CPLX1: variants seen among roughly 807,000 people sequenced by gnomAD.
CPLX1 encodes the protein complexin-1.
Under a neutral mutation model 15.6 loss-of-function variants are expected in CPLX1, and 6 were observed. The observed-to-expected ratio is 0.39, with a 90% CI of 0.21 to 0.76. CPLX1 has a LOEUF of 0.76. Ranked by LOEUF, CPLX1 falls within the 30% of genes least tolerant of loss-of-function variation. The pLI is 0.43. For missense variants in CPLX1, 242 were observed against 188.6 expected (o/e 1.28, Z -1.66); for synonymous variants, 91 against 75.2 (o/e 1.21, Z -1.08).
At chr4:811,276 AGTGCTACAGGTG>A in intron 2 of CPLX1, among the ~76,000 whole-genome samples, 1 of 152,274 alleles carries the variant, frequency 6.6e-6, no homozygotes, top group South Asian at 2.1e-4. Flanking sequence ...CCAATCAGCT[AGTGCTACAGGTG>A]CATACCACTG....
At chr4:803,925 C>G (rs1457463312) in intron 2 of CPLX1, among the ~76,000 whole-genome samples, 1 of 152,206 alleles carries the variant, frequency 6.6e-6, no homozygotes, top group African/African-American at 2.4e-5. Flanking sequence ...CCCACCTTGG[C>G]ATCCCAAAGT....
intron 2 of CPLX1, among the ~76,000 whole-genome samples, chr4:811,018 G>A (rs1477556032): frequency 2.6e-5 from 4 of 150,978 alleles, no homozygotes; most frequent in Non-Finnish European, 4.4e-5. Context: ...TTTTTTATAA[G>A]AGGTGGGACC....
intron 2 of CPLX1, among the ~76,000 whole-genome samples, chr4:810,109 G>A (rs958349318): frequency 1.3e-5 from 2 of 150,708 alleles, no homozygotes; most frequent in Admixed American, 6.6e-5. Flanking sequence ...GAGTGCAGTG[G>A]CATGATCTCA....
At chr4:788,375 G>A in intron 3 of CPLX1, 1 of 985,200 alleles carries the variant, frequency 1.0e-6, no homozygotes, top group South Asian at 4.7e-5. Flanking sequence ...GAGATGGAAA[G>A]GAGGGCGCCA....
In CPLX1 at chr4:812,749, C is replaced by CGTGTCCTAACGCTGG. The variant is rs1264001319; in HGVS notation, c.31+11728_31+11742dup. On this transcript the variant is annotated intron_variant, in intron 2 of 3. Transcript: ENST00000304062. ...CCTAATGCTGGGCATCCTAACGCTG[C>CGTGTCCTAACGCTGG]GTGTCCTAACGCTGGGTGTCCTAAC... Among the ~76,000 whole-genome samples the CGTGTCCTAACGCTGG allele has an allele frequency of 1.5e-3, 231 of 152,038 alleles. 3 individuals carry two copies. The highest frequency in any genetic ancestry group is 5.3e-4 in the Non-Finnish European group (36 of 67,964).
chr4:786,843 A>G, intron 3 of CPLX1, 145 bp from the exon 4 acceptor site: 1 of 1,376,066 alleles, frequency 7.3e-7, no homozygotes, highest in South Asian at 1.7e-5. Flanking sequence ...CCCCAGAAGG[A>G]GAAGAGACCC....
At chr4:800,067 T>C (rs1430407024) in intron 2 of CPLX1, among the ~76,000 whole-genome samples, 1 of 151,790 alleles carries the variant, frequency 6.6e-6, no homozygotes, top group Admixed American at 6.6e-5. Context: ...CAACGTGGGG[T>C]TTCTGAGGCT....
chr4:792,275 C>T (rs990962311), intron 3 of CPLX1, among the ~76,000 whole-genome samples, 158 bp downstream of exon 3: 1 of 152,176 alleles, frequency 6.6e-6, no homozygotes, highest in African/African-American at 2.4e-5. Flanking sequence ...CCGGAGCCCC[C>T]ACCCCTCACC....
intron 2 of CPLX1, among the ~76,000 whole-genome samples, chr4:795,085 G>T (rs1170716094): frequency 6.6e-6 from 1 of 152,222 alleles, no homozygotes; most frequent in Non-Finnish European, 1.5e-5. Flanking sequence ...GGCTCAGAGG[G>T]ACCCGCCGCG....
At chr4:805,674 C>T (rs1204038301) in intron 2 of CPLX1, among the ~76,000 whole-genome samples, 1 of 152,154 alleles carries the variant, frequency 6.6e-6, no homozygotes, top group African/African-American at 2.4e-5. Flanking sequence ...CAGCATTAAC[C>T]ACAATAACCA....
intron 2 of CPLX1, among the ~76,000 whole-genome samples, chr4:814,931 C>G (rs950597129): frequency 6.6e-6 from 1 of 152,242 alleles, no homozygotes; most frequent in African/African-American, 2.4e-5. Flanking sequence ...CCCATTAGGG[C>G]AAGACTGCCA....
At chr4:810,364 C>A (rs1746645579) in intron 2 of CPLX1, among the ~76,000 whole-genome samples, 1 of 152,132 alleles carries the variant, frequency 6.6e-6, no homozygotes, top group Non-Finnish European at 1.5e-5. Context: ...TCTGCGCTTT[C>A]ATTTCTCTTG....
intron 2 of CPLX1, among the ~76,000 whole-genome samples, chr4:798,489 G>A (rs1340833997): frequency 1.3e-5 from 2 of 152,150 alleles, no homozygotes; most frequent in East Asian, 3.8e-4. Flanking sequence ...ATAGCTCACT[G>A]CAGTCTCAAC....
intron 2 of CPLX1, among the ~76,000 whole-genome samples, chr4:800,764 T>C (rs1746439125): frequency 1.4e-5 from 2 of 145,058 alleles, no homozygotes; most frequent in African/African-American, 2.5e-5. Flanking sequence ...TACACACACA[T>C]ATACACACAC....
chr4:817,246 TAAAAA>T (rs35754733), intron 2 of CPLX1, among the ~76,000 whole-genome samples: 1 of 132,668 alleles, frequency 7.5e-6, no homozygotes, highest in South Asian at 2.5e-4. Context: ...TGGGTGAATG[TAAAAA>T]AAAAAAAAAA....
At chr4:809,107 G>A (rs1323021738) in intron 2 of CPLX1, among the ~76,000 whole-genome samples, 1 of 152,252 alleles carries the variant, frequency 6.6e-6, no homozygotes, top group Non-Finnish European at 1.5e-5. Flanking sequence ...AACACAGTGA[G>A]TACTCAGTGG....
In CPLX1 at chr4:790,837, C is replaced by T. The variant is rs187986165; in HGVS notation, c.207+1596G>A. Among the ~76,000 whole-genome samples the T allele has an allele frequency of 3.9e-5, 6 of 152,218 alleles. No homozygotes were observed. In the East Asian group the frequency reaches 9.7e-4, roughly 25 times the overall value. On this transcript the variant is annotated intron_variant, in intron 3 of 3. Transcript: ENST00000304062. ...CTAGCTCTGCCTGGGGCTCTCTCCTCTCTGTTCCCTGTGTCTCGGCCTTGA... is the reference window on the plus strand; with the variant it reads ...CTAGCTCTGCCTGGGGCTCTCTCCTTTCTGTTCCCTGTGTCTCGGCCTTGA...
rs1746872036 is a variant in CPLX1, at chr4:821,944, G to A, written c.31+2548C>T. Among the ~76,000 whole-genome samples the A allele has an allele frequency of 2.0e-5, 3 of 152,174 alleles. No individual in the cohort carries two copies. The South Asian group carries it at 6.2e-4, about 31-fold the overall frequency. Reference sequence around the variant, plus strand: ...AACCAGGCCTGTCCCCCTGCCCAGAGCCCTGGGCAGGTCCTCACCTCTTCC... The same window carrying A: ...AACCAGGCCTGTCCCCCTGCCCAGAACCCTGGGCAGGTCCTCACCTCTTCC... On this transcript the variant is annotated intron_variant, in intron 2 of 3. Transcript: ENST00000304062.
Position 786,187 on chromosome 4 carries a change from T to G in CPLX1, c.*314A>C, listed in dbSNP as rs975540579. On this transcript the variant is annotated 3_prime_UTR_variant, in exon 4 of 4. Transcript: ENST00000304062. ...ACCGCCGCGAACGCGCGCACAGGGG[T>G]GGTCGCGGGGCTGCCCTTCGGCGGC... The G allele has an allele frequency of 4.8e-6, 1 of 207,384 alleles. No individual in the cohort carries two copies. Among genetic ancestry groups the G allele is most frequent in the Non-Finnish European group, 9.5e-6 (1 of 104,812 alleles). 12.8% of individuals were successfully genotyped at this position (207,384 alleles called of 1,614,324 possible).
Sources: gnomAD v4.1 joint callset for allele counts (sites outside exome capture counted in the v4.1 genomes callset) on GRCh38, gnomAD v4.1.1 for gene constraint, MANE v1.5 for transcripts, NCBI Gene and HGNC (gene_info 2026-07-23, HGNC 2026-07-21) for gene names.